DACH1: variants seen among roughly 807,000 people sequenced by gnomAD.
The protein encoded by DACH1 is dachshund homolog 1.
In DACH1, 12 loss-of-function variants were observed where a neutral mutation model predicts 54.2. The observed-to-expected ratio is 0.22, with a 90% CI of 0.14 to 0.36. The LOEUF is 0.36. DACH1 is among the 10% of genes least tolerant of loss of function. The pLI is 1.00. For missense variants in DACH1, 805 were observed against 929.8 expected, an observed-to-expected ratio of 0.87 and a Z score of 1.75; for synonymous variants, 386 against 366.2, an observed-to-expected ratio of 1.05 and a Z score of -0.62.
At chr13:71,821,725 C>A (rs990625132) in intron 1 of DACH1, among the ~76,000 whole-genome samples, 1 of 152,126 alleles carries the variant, frequency 6.6e-6, no homozygotes, top group African/African-American at 2.4e-5. Flanking sequence ...TATCCACAGT[C>A]TCTTTAATAA....
At chr13:71,748,882 CTTTCTTTCTTTCTTTCTCTTTCTTTCTT>C (rs1198268388) in intron 1 of DACH1, among the ~76,000 whole-genome samples, 210 of 18,800 alleles carry the variant, frequency 0.011, 4 homozygotes, top group East Asian at 0.052. Context: ...TTCTTTCTTT[CTTTCTTTCTTTCTTTCTCTTTCTTTCTT>C]TCTTTCTTTC....
chr13:71,660,910 T>C (rs550414669), intron 2 of DACH1, among the ~76,000 whole-genome samples: 30 of 150,960 alleles, frequency 2.0e-4, no homozygotes, highest in African/African-American at 7.3e-4. Flanking sequence ...ACATCAAATG[T>C]CCAATATCTA....
intron 6 of DACH1, among the ~76,000 whole-genome samples, chr13:71,519,046 T>G (rs1451203052): frequency 6.6e-6 from 1 of 151,782 alleles, no homozygotes; most frequent in African/African-American, 2.4e-5. Context: ...AGTCGAGTAG[T>G]TGAGTAGTTG....
intron 1 of DACH1, among the ~76,000 whole-genome samples, chr13:71,758,221 T>G (rs1003208813): frequency 2.0e-5 from 3 of 152,064 alleles, no homozygotes; most frequent in Admixed American, 1.3e-4. Context: ...TAGAGACAAA[T>G]AAATCCTCAG....
chr13:71,596,797 C>A lies in DACH1; in HGVS notation c.1127-23785G>T, dbSNP rs142008565. 1.2e-3 allele frequency among the ~76,000 whole-genome samples: 182 copies of A among 152,156 alleles called. 2 individuals are homozygous for A. The East Asian group carries it at 0.028, about 24-fold the overall frequency. ...AATGAGGGGAAAATTACATTTTTGG[C>A]AGACAAACAGCAATTTGAATTTATA... is the stretch of plus-strand genomic sequence containing the variant. On this transcript the variant is annotated intron_variant, in intron 3 of 10. Coordinates refer to ENST00000613252, the MANE Select transcript of DACH1 (RefSeq NM_080759.6).
chr13:71,780,001 G>T (rs923904539), intron 1 of DACH1, among the ~76,000 whole-genome samples: 1 of 151,102 alleles, frequency 6.6e-6, no homozygotes, highest in Non-Finnish European at 1.5e-5. Context: ...ATCCTATGAA[G>T]GAAGGAATGA....
At chr13:71,675,249 G>A (rs777363427) in intron 2 of DACH1, 101 of 1,579,280 alleles carry the variant, frequency 6.4e-5, no homozygotes, top group Non-Finnish European at 8.2e-5. Context: ...CTGAACTTCT[G>A]ATTCGCAGAC....
At chr13:71,559,755 A>C (rs1490190948) in intron 5 of DACH1, 65 bp downstream of exon 5, 10 of 1,602,200 alleles carry the variant, frequency 6.2e-6, no homozygotes, top group Non-Finnish European at 8.5e-6. Flanking sequence ...GGGCATGTTG[A>C]TTAGAAAATC....
intron 6 of DACH1, among the ~76,000 whole-genome samples, 189 bp from the exon 7 acceptor site, chr13:71,489,337 G>A (rs41300584): frequency 0.023 from 3,538 of 152,200 alleles, 87 homozygotes; most frequent in Non-Finnish European, 0.028. Flanking sequence ...TAACATTAAT[G>A]AGTAACTTTA....
intron 1 of DACH1, among the ~76,000 whole-genome samples, chr13:71,823,811 A>T (rs1283639642): frequency 2.0e-5 from 3 of 152,046 alleles, no homozygotes; most frequent in African/African-American, 7.2e-5. Flanking sequence ...TCAAATCAGT[A>T]AACAAAAGAA....
intron 1 of DACH1, among the ~76,000 whole-genome samples, chr13:71,687,741 T>G (rs1881256421): frequency 6.6e-6 from 1 of 152,188 alleles, no homozygotes; most frequent in East Asian, 1.9e-4. Context: ...CCTGAGTAGC[T>G]GGGACTACAG....
chr13:71,656,976 G>T (rs1458121954), intron 2 of DACH1, among the ~76,000 whole-genome samples: 1 of 99,774 alleles, frequency 1.0e-5, no homozygotes, highest in African/African-American at 3.6e-5. Flanking sequence ...ACATATATAT[G>T]AACATATATA....
chr13:71,864,180 T>TACACACAC lies in DACH1; in HGVS notation c.848+1734_848+1741dup, dbSNP rs55651625. ...ATACTTTTGAGCGCGCGCGCGCACATACACACACACACACACACACACACA... is the reference window on the plus strand; with the variant it reads ...ATACTTTTGAGCGCGCGCGCGCACATACACACACACACACACACACACACACACACACA... On this transcript the variant is annotated intron_variant, in intron 1 of 10. Transcript: ENST00000613252. 5.0e-3 allele frequency among the ~76,000 whole-genome samples: 545 copies of TACACACAC among 108,480 alleles called. 7 individuals carry two copies. Among genetic ancestry groups the TACACACAC allele is most frequent in the African/African-American group, 0.015 (409 of 27,824 alleles). 71.2% of individuals were successfully genotyped at this position (108,480 alleles called of 152,430 possible).
At chr13:71,492,347 T>C (rs1879050767) in intron 6 of DACH1, among the ~76,000 whole-genome samples, 1 of 152,148 alleles carries the variant, frequency 6.6e-6, no homozygotes, top group Non-Finnish European at 1.5e-5. Context: ...CTAAATCCAA[T>C]GGCAAGTGTC....
intron 1 of DACH1, among the ~76,000 whole-genome samples, chr13:71,791,239 C>T (rs9592809): frequency 0.27 from 41,636 of 152,032 alleles, 6,038 homozygotes; most frequent in Non-Finnish European, 0.29. Flanking sequence ...TAATATAACC[C>T]ATTTGCTCTT....
chr13:71,546,358 T>G (rs1883466075), intron 6 of DACH1, among the ~76,000 whole-genome samples: 3 of 152,016 alleles, frequency 2.0e-5, no homozygotes, highest in African/African-American at 7.2e-5. Context: ...ACTTGTATCT[T>G]AAAGATTTAC....
At chr13:71,546,396 T>C (rs759694045) in intron 6 of DACH1, among the ~76,000 whole-genome samples, 2 of 152,034 alleles carry the variant, frequency 1.3e-5, no homozygotes, top group African/African-American at 4.8e-5. Context: ...TCTAATAATG[T>C]ATTTAATAAA....
intron 1 of DACH1, among the ~76,000 whole-genome samples, chr13:71,791,102 T>C (rs1293628012): frequency 6.6e-6 from 1 of 152,204 alleles, no homozygotes; most frequent in Non-Finnish European, 1.5e-5. Flanking sequence ...TTTCTGTGTA[T>C]TAATGTACAA....
In DACH1 at chr13:71,439,854, T is replaced by C. The variant is rs1873849717; in HGVS notation, c.*801A>G. On this transcript the variant is annotated 3_prime_UTR_variant, in exon 11 of 11. Transcript: ENST00000613252. Reference sequence around the variant, plus strand: ...GTGTTTTATGTTTATATACTGTACATATGACCAACAGTTTGAATAAGAAGC... The same window carrying C: ...GTGTTTTATGTTTATATACTGTACACATGACCAACAGTTTGAATAAGAAGC... The C allele has an allele frequency of 6.6e-6, 1 of 152,470 alleles. No individual in the cohort carries two copies. The highest frequency in any genetic ancestry group is 6.6e-5 in the Admixed American group (1 of 15,234). 9.4% of individuals were successfully genotyped at this position (152,470 alleles called of 1,614,324 possible).
Sources: allele counts gnomAD v4.1 joint callset (sites outside exome capture counted in the v4.1 genomes callset), GRCh38; gene constraint gnomAD v4.1.1; transcripts MANE v1.5; gene names NCBI Gene and HGNC (gene_info 2026-07-23, HGNC 2026-07-21).